The following MARK4 variants were observed in gnomAD, a reference collection of about 807,000 sequenced individuals.
MARK4 encodes the protein microtubule affinity regulating kinase 4.
In MARK4, 19 loss-of-function variants were observed where a neutral mutation model predicts 81.5. That is an observed-to-expected ratio of 0.23 (90% CI 0.16 to 0.34). The LOEUF (loss-of-function observed/expected upper bound fraction) is 0.34, where lower values mean the gene tolerates loss of function less well. Among genes scored for constraint, MARK4 ranks in the 10% least tolerant of loss-of-function variants. MARK4 has a pLI of 1.00. For missense variants in MARK4, 772 were observed against 1,058.8 expected (o/e 0.73, Z 3.76); for synonymous variants, 436 against 439.0 (o/e 0.99, Z 0.08).
chr19:45,282,327 CCT>C (rs1970686457), intron 12 of MARK4, among the ~76,000 whole-genome samples: 1 of 152,046 alleles, frequency 6.6e-6, no homozygotes, highest in South Asian at 2.1e-4. Flanking sequence ...AAATTTTAAC[CCT>C]CTCTTCTATT....
At chr19:45,283,861 T>C (rs1970708951) in intron 12 of MARK4, among the ~76,000 whole-genome samples, 1 of 152,066 alleles carries the variant, frequency 6.6e-6, no homozygotes, top group Non-Finnish European at 1.5e-5. Context: ...TTTCAGGGTG[T>C]TTTCCAACTC....
rs1970763096 is a variant in MARK4, at chr19:45,287,660, C to G, written c.1490C>G (p.Thr497Ser). The G allele has an allele frequency of 6.2e-7, 1 of 1,602,992 alleles. No homozygotes were observed. Reference protein sequence around the residue: ...IPERRKDSTSTPNNLPPSMMT... With the variant: ...IPERRKDSTSSPNNLPPSMMT... ...GAGCGGCGGAAGGACAGCACGAGCACCCCCGTGAGTGACCAGGGCTGGGGG... is the reference window on the plus strand; with the variant it reads ...GAGCGGCGGAAGGACAGCACGAGCAGCCCCGTGAGTGACCAGGGCTGGGGG... Residue 497 changes from threonine to serine, a missense_variant, in exon 13 of 17, where the codon ACC (threonine) becomes AGC (serine). Coordinates refer to ENST00000262891, the MANE Select transcript of MARK4 (RefSeq NM_001199867.2).
rs1971013309 is a variant in MARK4 at position 45,303,810 on chromosome 19, G to T, written c.*1100G>T. 1.3e-5 allele frequency: 2 copies of T among 152,232 alleles called. No individual in the cohort carries two copies. The highest frequency in any genetic ancestry group is 2.1e-4 in the South Asian group (1 of 4,824). The allele number at this position is 152,232 out of a possible 1,614,324, so 9.4% of individuals were successfully genotyped here. A position where few individuals can be genotyped will look rare whatever the true frequency, so the allele number is the denominator to read the frequency against. ...GGAGCCCAGAAGAGAAAGTGGGCAG[G>T]GTGGGGTCATTGGGGAAGATGCTCT... On this transcript the variant is annotated 3_prime_UTR_variant, in exon 17 of 17. Transcript: ENST00000262891.
rs372480258 is a variant in MARK4 at position 45,294,403 on chromosome 19, C to T, written c.1549C>T (p.Arg517Cys). 2.0e-5 allele frequency: 32 copies of T among 1,614,000 alleles called. No individual in the cohort carries two copies. In the African/African-American group the frequency reaches 2.3e-4, roughly 11 times the overall value. ...TRRNTYVCTE[R>C]PGAERPSLLP... ...CAGAAACACCTACGTTTGCACAGAA[C>T]GCCCGGGGGCTGAGCGCCCGTCACT... The change falls in exon 14 of 17, where the codon CGC becomes TGC. Residue 517 changes from arginine (R) to cysteine (C), a missense_variant. Arg to Cys is a radical substitution (Grantham distance 180). Transcript: ENST00000262891.
At position 45,304,364 on chromosome 19, in the gene MARK4, T is replaced by C. The variant is rs1016608452; in HGVS notation, c.*1654T>C. 2 of 152,226 alleles carry C rather than the reference T, an allele frequency of 1.3e-5. No individual in the cohort carries two copies. Among genetic ancestry groups the C allele is most frequent in the African/African-American group, 4.8e-5 (2 of 41,452 alleles). 9.4% of individuals were successfully genotyped at this position (152,226 alleles called of 1,614,324 possible). Reference sequence around the variant, plus strand: ...CACTGTGACTCTAGAGTGGCCAGACTCAGAGCTGCACTTAGTAGGGGTTCC... The same window carrying C: ...CACTGTGACTCTAGAGTGGCCAGACCCAGAGCTGCACTTAGTAGGGGTTCC... On this transcript the variant is annotated 3_prime_UTR_variant, in exon 17 of 17. Transcript: ENST00000262891.
At chr19:45,283,278 A>G (rs1424819077) in intron 12 of MARK4, among the ~76,000 whole-genome samples, 1 of 151,588 alleles carries the variant, frequency 6.6e-6, no homozygotes, top group African/African-American at 2.4e-5. Flanking sequence ...GCGTAGTGGC[A>G]GGCGTCTGTA....
chr19:45,304,340 A>G lies in MARK4; in HGVS notation c.*1630A>G, dbSNP rs1223548701. ...CCATGTGATTTTCTCTAAACCAATC[A>G]CTGTGACTCTAGAGTGGCCAGACTC... On this transcript the variant is annotated 3_prime_UTR_variant, in exon 17 of 17. Coordinates refer to ENST00000262891, the MANE Select transcript of MARK4 (RefSeq NM_001199867.2). The G allele has an allele frequency of 6.6e-6, 1 of 152,216 alleles. No homozygotes were observed. Among genetic ancestry groups the G allele is most frequent in the African/African-American group, 2.4e-5 (1 of 41,436 alleles). The allele number at this position is 152,216 out of a possible 1,614,324, so 9.4% of individuals were successfully genotyped here.
chr19:45,269,408 C>G (rs1422769312), intron 7 of MARK4, among the ~76,000 whole-genome samples: 1 of 151,946 alleles, frequency 6.6e-6, no homozygotes, highest in Admixed American at 6.6e-5. Flanking sequence ...AAGTAAGCCC[C>G]GAGCAAGCCA....
At chr19:45,277,888 G>T in intron 8 of MARK4, 35 bp from the exon 9 acceptor site, 2 of 1,589,210 alleles carry the variant, frequency 1.3e-6, no homozygotes, top group Non-Finnish European at 1.7e-6. Context: ...GGGGGGCGGG[G>T]CAGACCCCCT....
chr19:45,259,508 T>C (rs1970353920), intron 2 of MARK4, among the ~76,000 whole-genome samples: 1 of 152,190 alleles, frequency 6.6e-6, no homozygotes, highest in Non-Finnish European at 1.5e-5. Context: ...ACACGTGTAA[T>C]CCCAGCACTT....
chr19:45,278,921 T>C (rs1002528688), intron 10 of MARK4, among the ~76,000 whole-genome samples: 1 of 151,992 alleles, frequency 6.6e-6, no homozygotes, highest in Admixed American at 6.6e-5. Flanking sequence ...CGCTTTGATA[T>C]TAAGACATAA....
chr19:45,297,904 C>T lies in MARK4; in HGVS notation c.1827C>T (p.Pro609=), dbSNP rs1216140102. Residue 609 remains proline, a synonymous_variant, in exon 15 of 17, where the codon CCC becomes CCT. Transcript: ENST00000262891. ...HEAAPLPAGR[P]RPTTNLFTKL... ...CTGCACCCCTGCCCGCCGGGCGGCC[C>T]CGCCCCACCACCAACCTCTTCACCA... is the stretch of plus-strand genomic sequence containing the variant. 1.3e-6 allele frequency: 2 copies of T among 1,550,122 alleles called. No individual in the cohort carries two copies. Among genetic ancestry groups the T allele is most frequent in the Admixed American group, 2.0e-5 (1 of 50,988 alleles).
chr19:45,296,880 T>G (rs1284060049), intron 14 of MARK4, among the ~76,000 whole-genome samples: 1 of 152,062 alleles, frequency 6.6e-6, no homozygotes, highest in African/African-American at 2.4e-5. Context: ...TGAAACCCCA[T>G]CTCTCCTGAA....
At chr19:45,268,935 C>G (rs200366492) in intron 7 of MARK4, among the ~76,000 whole-genome samples, 1 of 152,150 alleles carries the variant, frequency 6.6e-6, no homozygotes, top group East Asian at 1.9e-4. Flanking sequence ...CATGATTCAC[C>G]TGGAGGTCGT....
At chr19:45,278,405 C>A in intron 9 of MARK4, 111 bp from the exon 10 acceptor site, 1 of 948,340 alleles carries the variant, frequency 1.1e-6, no homozygotes, top group Non-Finnish European at 1.7e-6. Flanking sequence ...TCTTAGGAAG[C>A]CCGCAATTCT....
Position 45,277,822 on chromosome 19 carries a change from GTTGTGTGTGT to G in MARK4, c.787-100_787-91del, listed in dbSNP as rs1970619052. The G allele has an allele frequency of 2.0e-5, 23 of 1,140,894 alleles. No homozygotes were observed. In the South Asian group the frequency reaches 3.6e-4, roughly 18 times the overall value. 70.7% of individuals were successfully genotyped at this position (1,140,894 alleles called of 1,614,324 possible). On this transcript the variant is annotated intron_variant, in intron 8 of 16. Coordinates refer to ENST00000262891, the MANE Select transcript of MARK4 (RefSeq NM_001199867.2). ...TTCTATCAAAGGGGTTGGGACAAAG[GTTGTGTGTGT>G]GTGTGTGTGTGTGTGTGTGTGTGTG... is the stretch of plus-strand genomic sequence containing the variant.
chr19:45,299,959 A>G, intron 16 of MARK4, 104 bp downstream of exon 16: 1 of 1,069,172 alleles, frequency 9.4e-7, no homozygotes, highest in Non-Finnish European at 1.3e-6. Context: ...CTCATCCTGC[A>G]AGGCCAACTT....
At chr19:45,284,367 A>G (rs1217587910) in intron 12 of MARK4, among the ~76,000 whole-genome samples, 1 of 150,020 alleles carries the variant, frequency 6.7e-6, no homozygotes, top group African/African-American at 2.5e-5. Context: ...CCGTTGCCCA[A>G]GCTGGAGTGC....
intron 12 of MARK4, among the ~76,000 whole-genome samples, chr19:45,284,145 G>A (rs1599794958): frequency 6.6e-6 from 1 of 151,904 alleles, no homozygotes; most frequent in Non-Finnish European, 1.5e-5. Flanking sequence ...AGGCCCCCGA[G>A]CTGGAATTAC....
Sources: allele counts gnomAD v4.1 joint callset (sites outside exome capture counted in the v4.1 genomes callset), GRCh38; gene constraint gnomAD v4.1.1; transcripts MANE v1.5; gene names NCBI Gene and HGNC (gene_info 2026-07-23, HGNC 2026-07-21).